Variants in LRRC63 observed in about 807,000 individuals in gnomAD.
The protein encoded by LRRC63 is leucine-rich repeat-containing protein 63.
Under a neutral mutation model 49.5 loss-of-function variants are expected in LRRC63, and 40 were observed. That is an observed-to-expected ratio of 0.81 (90% CI 0.63 to 1.05). The LOEUF (loss-of-function observed/expected upper bound fraction) is 1.05, where lower values mean the gene tolerates loss of function less well. Ranked by LOEUF, LRRC63 falls within the 50% of genes least tolerant of loss-of-function variation. The probability of loss-of-function intolerance (pLI) is 0.00; values close to 1 mark genes in which losing one functional copy is unlikely to be tolerated. For missense variants in LRRC63, 636 were observed against 663.1 expected, an observed-to-expected ratio of 0.96 and a Z score of 0.45; for synonymous variants, 191 against 221.1, an observed-to-expected ratio of 0.86 and a Z score of 1.21.
intron 5 of LRRC63, among the ~76,000 whole-genome samples, chr13:46,240,669 A>C (rs1167748989): frequency 6.6e-6 from 1 of 152,186 alleles, no homozygotes; most frequent in Admixed American, 6.5e-5. Flanking sequence ...AAAATCACAG[A>C]CATTCTTATA....
At chr13:46,213,045 C>T in exon 2 of LRRC63, 1 of 1,547,794 alleles carries the variant, frequency 6.5e-7, no homozygotes, top group Non-Finnish European at 8.7e-7. Flanking sequence ...ATGCAAAAGC[C>T]CCCACTGCTT....
chr13:46,274,875 T>C (rs1333129800), intron 9 of LRRC63, among the ~76,000 whole-genome samples: 2 of 152,194 alleles, frequency 1.3e-5, no homozygotes, highest in African/African-American at 4.8e-5. Flanking sequence ...CTTCTAGCTT[T>C]TTGAAAATAC....
At chr13:46,213,067 C>T (rs987162191) in exon 2 of LRRC63, 1 of 1,549,798 alleles carries the variant, frequency 6.5e-7, no homozygotes, top group Non-Finnish European at 8.7e-7. Flanking sequence ...TTCGAAGACC[C>T]TTACCTCCAA....
intron 9 of LRRC63, among the ~76,000 whole-genome samples, chr13:46,273,148 A>C (rs1191176969): frequency 6.6e-6 from 1 of 152,240 alleles, no homozygotes; most frequent in African/African-American, 2.4e-5. Context: ...CATAGGGGAA[A>C]GATTCAGGGA....
chr13:46,266,775 T>C (rs1353824495), exon 9 of LRRC63: 3 of 1,549,802 alleles, frequency 1.9e-6, no homozygotes, highest in South Asian at 1.2e-5. Flanking sequence ...AACTGAGTTT[T>C]TTCCCCCATG....
At chr13:46,239,025 C>G (rs947438061) in intron 5 of LRRC63, among the ~76,000 whole-genome samples, 1 of 152,054 alleles carries the variant, frequency 6.6e-6, no homozygotes, top group African/African-American at 2.4e-5. Flanking sequence ...ATGTCCACAT[C>G]AAAAAATTAG....
At chr13:46,269,750 C>T (rs184401622) in intron 9 of LRRC63, among the ~76,000 whole-genome samples, 83 of 148,900 alleles carry the variant, frequency 5.6e-4, no homozygotes, top group Middle Eastern at 7.2e-3. Flanking sequence ...AAGCCATTAA[C>T]TGGAAGAAGA....
At chr13:46,252,782 G>T (rs1566502977) in intron 7 of LRRC63, among the ~76,000 whole-genome samples, 1 of 151,934 alleles carries the variant, frequency 6.6e-6, no homozygotes, top group Non-Finnish European at 1.5e-5. Flanking sequence ...AAAAGAAGCA[G>T]CATATATAAC....
rs145852785 is a variant in LRRC63, at chr13:46,252,990, G to C, written c.1226+2499G>C. On this transcript the variant is annotated intron_variant, in intron 7 of 9. Coordinates refer to ENST00000595396, the Ensembl canonical transcript of LRRC63. The stretch of plus-strand genomic sequence containing the variant: ...TGGTAGAGTCAAACTTATATTTTAC[G>C]TTATTCTAGTGGCAGTGTGGAGGAT... Among the ~76,000 whole-genome samples the C allele has an allele frequency of 5.9e-5, 9 of 152,050 alleles. 1 individual carries two copies. The highest frequency in any genetic ancestry group is 1.9e-4 in the African/African-American group (8 of 41,500).
chr13:46,213,815 C>G (rs1480062883), intron 2 of LRRC63, among the ~76,000 whole-genome samples: 1 of 152,028 alleles, frequency 6.6e-6, no homozygotes, highest in Non-Finnish European at 1.5e-5. Flanking sequence ...GGAACCTAGC[C>G]CCATATTTCT....
chr13:46,246,654 A>G (rs1330267056), intron 6 of LRRC63, 29 bp downstream of exon 6: 1 of 1,014,770 alleles, frequency 9.9e-7, no homozygotes, highest in Non-Finnish European at 1.3e-6. Flanking sequence ...TTATGTACTG[A>G]TATAACTTGT....
At chr13:46,268,761 A>T (rs2047715465) in intron 9 of LRRC63, among the ~76,000 whole-genome samples, 1 of 151,768 alleles carries the variant, frequency 6.6e-6, no homozygotes, top group African/African-American at 2.4e-5. Context: ...GCAAGTTCTG[A>T]GAGGCAAGAA....
chr13:46,239,602 A>T (rs2046997746), intron 5 of LRRC63, among the ~76,000 whole-genome samples: 2 of 152,176 alleles, frequency 1.3e-5, no homozygotes, highest in African/African-American at 4.8e-5. Context: ...ATTCCAAAAA[A>T]ATTGAGGAGG....
At chr13:46,226,153 A>AT (rs539374721) in intron 2 of LRRC63, among the ~76,000 whole-genome samples, 3,877 of 148,080 alleles carry the variant, frequency 0.026, 66 homozygotes, top group African/African-American at 0.05. Context: ...TTGGCTAATT[A>AT]TTTTTTTTTT....
intron 8 of LRRC63, among the ~76,000 whole-genome samples, chr13:46,263,259 C>A (rs1327055341): frequency 2.6e-5 from 4 of 152,058 alleles, no homozygotes; most frequent in African/African-American, 4.8e-5. Context: ...TCACTACGGC[C>A]TTGAACTCCT....
intron 5 of LRRC63, among the ~76,000 whole-genome samples, chr13:46,236,825 C>T (rs1438791294): frequency 6.6e-6 from 1 of 152,118 alleles, no homozygotes; most frequent in Non-Finnish European, 1.5e-5. Context: ...TTTCTTATAT[C>T]ACTTAAAAGA....
At chr13:46,213,388 T>C (rs781369841) in intron 2 of LRRC63, among the ~76,000 whole-genome samples, 1 of 152,228 alleles carries the variant, frequency 6.6e-6, no homozygotes, top group Non-Finnish European at 1.5e-5. Context: ...CGTGGATATG[T>C]GCAGAGCACT....
intron 5 of LRRC63, among the ~76,000 whole-genome samples, chr13:46,242,432 A>G (rs925406688): frequency 6.6e-6 from 1 of 152,148 alleles, no homozygotes; most frequent in Admixed American, 6.5e-5. Context: ...GTTTTCCTAT[A>G]TAATAAACCT....
chr13:46,258,875 T>C (rs1269985622), intron 7 of LRRC63, among the ~76,000 whole-genome samples: 1 of 151,972 alleles, frequency 6.6e-6, no homozygotes, highest in Non-Finnish European at 1.5e-5. Context: ...CACAGATTAG[T>C]CTCTTTTCCT....
Sources: allele counts gnomAD v4.1 joint callset (sites outside exome capture counted in the v4.1 genomes callset), GRCh38; gene constraint gnomAD v4.1.1; transcripts MANE v1.5; gene names NCBI Gene and HGNC (gene_info 2026-07-23, HGNC 2026-07-21).